Variants in GABPB2 observed in about 807,000 individuals in gnomAD.
GABPB2 encodes GA binding protein transcription factor subunit beta 2, also known as GA-binding protein subunit beta-2.
A neutral mutation model predicts 39.1 loss-of-function variants in GABPB2; 23 were observed. The observed-to-expected ratio is 0.59, with a 90% confidence interval of 0.42 to 0.83. GABPB2 has a LOEUF of 0.83. Among genes scored for constraint, GABPB2 ranks in the 40% least tolerant of loss-of-function variants. The probability of loss-of-function intolerance (pLI) is 0.00; values close to 1 mark genes in which losing one functional copy is unlikely to be tolerated. For missense variants in GABPB2, 467 were observed against 541.1 expected, an observed-to-expected ratio of 0.86 and a Z score of 1.36; for synonymous variants, 184 against 199.3, an observed-to-expected ratio of 0.92 and a Z score of 0.65.
chr1:151,118,373 AGGGTACAAT>A lies in GABPB2; in HGVS notation c.*119_*127del. 1 of 984,630 alleles carries A rather than the reference AGGGTACAAT, an allele frequency of 1.0e-6. No individual in the cohort carries two copies. Among genetic ancestry groups the A allele is most frequent in the South Asian group, 1.8e-5 (1 of 55,234 alleles). The allele number at this position is 984,630 out of a possible 1,614,324, so 61.0% of individuals were successfully genotyped here. A position where few individuals can be genotyped will look rare whatever the true frequency, so the allele number is the denominator to read the frequency against. On this transcript the variant is annotated 3_prime_UTR_variant, in exon 9 of 9. Coordinates refer to ENST00000368918, the MANE Select transcript of GABPB2 (RefSeq NM_144618.3). ...GTGTCTTTAAGAAGAAAACTATAGC[AGGGTACAAT>A]GCTTGGGCTCAGGAAGTTTCTCTGT... is the stretch of plus-strand genomic sequence containing the variant.
intron 7 of GABPB2, among the ~76,000 whole-genome samples, chr1:151,114,761 G>T (rs1440255172): frequency 1.3e-5 from 2 of 151,902 alleles, no homozygotes; most frequent in Non-Finnish European, 2.9e-5. Context: ...TATAATCCCA[G>T]CACTTTGGGA....
chr1:151,088,908 G>A (rs1678434698), intron 2 of GABPB2, among the ~76,000 whole-genome samples: 1 of 152,154 alleles, frequency 6.6e-6, no homozygotes, highest in Non-Finnish European at 1.5e-5. Flanking sequence ...GCTGAGGCAG[G>A]AGAATCGCGT....
chr1:151,095,009 C>CAA lies in GABPB2; in HGVS notation c.471+1637_471+1638dup, dbSNP rs11433915. ...TGGGTGACACAGCAGGATTCCATCT[C>CAA]AAAAAAAAAAAAAAATTAATAGGAC... On this transcript the variant is annotated intron_variant, in intron 4 of 8. Transcript: ENST00000368918. Among the ~76,000 whole-genome samples, 1,252 of 131,282 alleles carry CAA rather than the reference C, an allele frequency of 9.5e-3. 16 individuals carry two copies. Among genetic ancestry groups the CAA allele is most frequent in the Middle Eastern group, 0.016 (4 of 256 alleles). 86.1% of individuals were successfully genotyped at this position (131,282 alleles called of 152,430 possible). A position where few individuals can be genotyped will look rare whatever the true frequency, so the allele number is the denominator to read the frequency against.
chr1:151,097,654 C>G (rs778234131), intron 4 of GABPB2, among the ~76,000 whole-genome samples, 198 bp from the exon 5 acceptor site: 2 of 151,938 alleles, frequency 1.3e-5, no homozygotes, highest in Non-Finnish European at 2.9e-5. Flanking sequence ...TGGCGTGTGC[C>G]TGTAATCCCA....
chr1:151,078,787 GCAC>G (rs1168547869), intron 1 of GABPB2, among the ~76,000 whole-genome samples: 3 of 151,696 alleles, frequency 2.0e-5, no homozygotes, highest in African/African-American at 7.3e-5. Flanking sequence ...GTACAGGCGT[GCAC>G]CACCACACCT....
chr1:151,100,474 T>G (rs587736752), intron 5 of GABPB2, among the ~76,000 whole-genome samples: 1 of 151,108 alleles, frequency 6.6e-6, no homozygotes, highest in African/African-American at 2.4e-5. Flanking sequence ...AGAGATGGGG[T>G]TTCACCATGT....
intron 3 of GABPB2, among the ~76,000 whole-genome samples, chr1:151,092,341 G>A (rs929150012): frequency 3.3e-5 from 5 of 151,484 alleles, no homozygotes; most frequent in Admixed American, 6.6e-5. Flanking sequence ...CCTTGACCTC[G>A]TGATCCACCC....
intron 5 of GABPB2, among the ~76,000 whole-genome samples, chr1:151,103,194 C>T (rs1169747744): frequency 1.3e-5 from 2 of 151,516 alleles, no homozygotes; most frequent in Non-Finnish European, 2.9e-5. Context: ...GGACTACAGG[C>T]GCCCACCACC....
Position 151,096,651 on chromosome 1 carries a change from C to T in GABPB2, c.472-1201C>T, listed in dbSNP as rs138922372. On this transcript the variant is annotated intron_variant, in intron 4 of 8. Transcript: ENST00000368918. Reference sequence around the variant, plus strand: ...TAAGCTACTTTTCACCAAAATTGAACAGATATCCCTGGAAGCAAAAGTACA... The same window carrying T: ...TAAGCTACTTTTCACCAAAATTGAATAGATATCCCTGGAAGCAAAAGTACA... Among the ~76,000 whole-genome samples the T allele has an allele frequency of 3.5e-3, 531 of 152,178 alleles. 7 individuals are homozygous for T. The highest frequency in any genetic ancestry group is 0.012 in the African/African-American group (499 of 41,530).
At chr1:151,103,796 A>T (rs959857082) in intron 6 of GABPB2, 121 bp downstream of exon 6, 3 of 663,354 alleles carry the variant, frequency 4.5e-6, no homozygotes, top group Non-Finnish European at 5.1e-6. Flanking sequence ...GCAGCTAAGG[A>T]AAAGGGATGT....
intron 2 of GABPB2, among the ~76,000 whole-genome samples, chr1:151,089,726 G>GCAGTCCT (rs1261278204): frequency 6.6e-6 from 1 of 152,044 alleles, no homozygotes; most frequent in Non-Finnish European, 1.5e-5. Context: ...TTGGGCTCAA[G>GCAGTCCT]CAGTCCTCCT....
chr1:151,100,681 C>T (rs1679445728), intron 5 of GABPB2, among the ~76,000 whole-genome samples: 1 of 146,344 alleles, frequency 6.8e-6, no homozygotes, highest in East Asian at 2.0e-4. Flanking sequence ...CTCTGCCTCC[C>T]AGGTTCAAGC....
chr1:151,084,888 C>A (rs1417019867), intron 1 of GABPB2, among the ~76,000 whole-genome samples: 1 of 151,922 alleles, frequency 6.6e-6, no homozygotes, highest in Non-Finnish European at 1.5e-5. Flanking sequence ...TTGGTCTATT[C>A]ATCATTCCTT....
In GABPB2 at chr1:151,117,482, T is replaced by G; in HGVS notation, c.1013T>G (p.Ile338Arg). Residue 338 changes from isoleucine to arginine, a missense_variant, in exon 8 of 9, where the codon ATA becomes AGA. Physicochemically the swap from Ile to Arg is moderately conservative, Grantham distance 97. Coordinates refer to ENST00000368918, the MANE Select transcript of GABPB2 (RefSeq NM_144618.3). ...TTGCCACTAACAAAGAAACCAAGGA[T>G]AGGAGAGAAGACAAACAGTGTGGAG... is the stretch of plus-strand genomic sequence containing the variant. ...EKLPLTKKPR[I>R]GEKTNSVEES... The G allele has an allele frequency of 2.5e-6, 4 of 1,613,936 alleles. No homozygotes were observed. Among genetic ancestry groups the G allele is most frequent in the Non-Finnish European group, 3.4e-6 (4 of 1,179,924 alleles).
At position 151,092,168 on chromosome 1, in the gene GABPB2, G is replaced by A. The variant is rs746656447; in HGVS notation, c.277-1024G>A. On this transcript the variant is annotated intron_variant, in intron 3 of 8. Transcript: ENST00000368918. Reference sequence around the variant, plus strand: ...TGTCGCCAGGCTGGAGTGCAGTGGCGCAATACTGGCTCACTGCAACCTCTG... The same window carrying A: ...TGTCGCCAGGCTGGAGTGCAGTGGCACAATACTGGCTCACTGCAACCTCTG... Among the ~76,000 whole-genome samples the A allele has an allele frequency of 3.0e-5, 4 of 134,288 alleles. No homozygotes were observed. In the Admixed American group the frequency reaches 3.4e-4, roughly 12 times the overall value. 88.1% of individuals were successfully genotyped at this position (134,288 alleles called of 152,430 possible). A position where few individuals can be genotyped will look rare whatever the true frequency, so the allele number is the denominator to read the frequency against.
chr1:151,109,445 A>C (rs1008304293), intron 7 of GABPB2, among the ~76,000 whole-genome samples: 1 of 146,520 alleles, frequency 6.8e-6, no homozygotes, highest in Non-Finnish European at 1.5e-5. Context: ...TGCAACCTCC[A>C]CCTCCTGGGT....
chr1:151,075,255 T>TC (rs1386400989), intron 1 of GABPB2, among the ~76,000 whole-genome samples: 1 of 149,438 alleles, frequency 6.7e-6, no homozygotes, highest in African/African-American at 2.5e-5. Flanking sequence ...ACGGTGAAAC[T>TC]CCATCTGTAC....
chr1:151,099,389 G>A (rs1679347710), intron 5 of GABPB2, among the ~76,000 whole-genome samples: 1 of 151,860 alleles, frequency 6.6e-6, no homozygotes, highest in South Asian at 2.1e-4. Context: ...CTAGAGATGG[G>A]GTTTCACCGT....
At position 151,122,905 on chromosome 1, in the gene GABPB2, C is replaced by T. The variant is rs951984923; in HGVS notation, c.*4649C>T. 2.0e-5 allele frequency: 3 copies of T among 151,950 alleles called. No individual in the cohort carries two copies. The highest frequency in any genetic ancestry group is 1.3e-4 in the Admixed American group (2 of 15,210). The allele number at this position is 151,950 out of a possible 1,614,324, so 9.4% of individuals were successfully genotyped here. A position where few individuals can be genotyped will look rare whatever the true frequency, so the allele number is the denominator to read the frequency against. ...AAAAAGGCATTGATTTTTATTTACT[C>T]GGAACGGTCCTCTTGGCATCCCAGA... On this transcript the variant is annotated 3_prime_UTR_variant, in exon 9 of 9. Transcript: ENST00000368918.
Sources: gnomAD v4.1 joint callset for allele counts (sites outside exome capture counted in the v4.1 genomes callset) on GRCh38, gnomAD v4.1.1 for gene constraint, MANE v1.5 for transcripts, NCBI Gene and HGNC (gene_info 2026-07-23, HGNC 2026-07-21) for gene names.